The following GRIK2 variants were observed in gnomAD, a reference collection of about 807,000 sequenced individuals.
GRIK2 encodes the protein glutamate ionotropic receptor kainate type subunit 2.
GRIK2 carries 32 observed loss-of-function variants against 100.3 expected under a neutral mutation model. The observed-to-expected ratio is 0.32, with a 90% confidence interval of 0.24 to 0.43. GRIK2 has a LOEUF of 0.43. GRIK2 is among the 20% of genes least tolerant of loss of function. The probability of loss-of-function intolerance (pLI) is 1.00; values close to 1 mark genes in which losing one functional copy is unlikely to be tolerated. For missense variants in GRIK2, 843 were observed against 1,114.9 expected, an observed-to-expected ratio of 0.76 and a Z score of 3.47; for synonymous variants, 417 against 389.4, an observed-to-expected ratio of 1.07 and a Z score of -0.83.
intron 2 of GRIK2, among the ~76,000 whole-genome samples, chr6:101,564,325 G>A (rs901246078): frequency 6.6e-6 from 1 of 152,190 alleles, no homozygotes; most frequent in Non-Finnish European, 1.5e-5. Flanking sequence ...GAACACTTCT[G>A]TAAAAACTTG....
At chr6:101,417,404 A>G (rs1776203231) in intron 2 of GRIK2, among the ~76,000 whole-genome samples, 1 of 152,180 alleles carries the variant, frequency 6.6e-6, no homozygotes, top group South Asian at 2.1e-4. Context: ...AATGGAGCCT[A>G]TACAACCTCA....
intron 2 of GRIK2, among the ~76,000 whole-genome samples, chr6:101,498,417 G>A (rs1773566200): frequency 6.6e-6 from 1 of 151,904 alleles, no homozygotes; most frequent in Admixed American, 6.6e-5. Flanking sequence ...GGTATTTCTA[G>A]TTCTAGGTCC....
At chr6:101,676,027 AAC>A (rs771566640) in intron 4 of GRIK2, among the ~76,000 whole-genome samples, 1 of 152,208 alleles carries the variant, frequency 6.6e-6, no homozygotes, top group Non-Finnish European at 1.5e-5. Context: ...TGCGTGATAA[AAC>A]ACAGTGTTCA....
At chr6:101,892,521 GTT>G (rs530210727) in intron 12 of GRIK2, among the ~76,000 whole-genome samples, 1 of 148,558 alleles carries the variant, frequency 6.7e-6, no homozygotes, top group Non-Finnish European at 1.5e-5. Context: ...TAATGTACCA[GTT>G]TTTTTTTTAC....
Position 101,891,780 on chromosome 6 carries a change from G to A in GRIK2, c.1748+1917G>A, listed in dbSNP as rs1294221030. Among the ~76,000 whole-genome samples the A allele has an allele frequency of 2.0e-5, 3 of 152,086 alleles. No homozygotes were observed. In the East Asian group the frequency reaches 5.8e-4, roughly 29 times the overall value. ...CTTTTGGGGTTCTCCCCACAGTAAT[G>A]AGAATTTGAAGTATGAAGTTCCTAA... is the stretch of plus-strand genomic sequence containing the variant. On this transcript the variant is annotated intron_variant, in intron 12 of 16. Coordinates refer to ENST00000369134, the MANE Select transcript of GRIK2 (RefSeq NM_021956.5).
At chr6:101,697,491 AT>A (rs1298933265) in intron 7 of GRIK2, among the ~76,000 whole-genome samples, 1 of 86,896 alleles carries the variant, frequency 1.2e-5, no homozygotes. Flanking sequence ...TGCTATTACA[AT>A]AACATATCCC....
intron 11 of GRIK2, among the ~76,000 whole-genome samples, chr6:101,863,045 A>G (rs1040426115): frequency 3.3e-5 from 5 of 151,684 alleles, no homozygotes; most frequent in Admixed American, 6.6e-5. Context: ...TGCTGCATTC[A>G]TAATCTTCTG....
chr6:101,957,409 G>A (rs1375708688), intron 14 of GRIK2, among the ~76,000 whole-genome samples: 5 of 151,604 alleles, frequency 3.3e-5, no homozygotes, highest in Non-Finnish European at 7.4e-5. Flanking sequence ...CACACACATA[G>A]TTTTCAAACA....
intron 14 of GRIK2, among the ~76,000 whole-genome samples, chr6:102,007,481 A>T (rs1795302070): frequency 6.6e-6 from 1 of 152,124 alleles, no homozygotes; most frequent in Non-Finnish European, 1.5e-5. Context: ...TCTACCTTGC[A>T]TCATCAGCAA....
intron 1 of GRIK2, among the ~76,000 whole-genome samples, chr6:101,395,970 A>G (rs1309197503): frequency 3.9e-5 from 6 of 152,202 alleles, no homozygotes; most frequent in Non-Finnish European, 7.4e-5. Flanking sequence ...CTTACTAAGT[A>G]TATATAATTG....
chr6:101,893,576 C>T (rs1787243932), intron 12 of GRIK2, among the ~76,000 whole-genome samples: 1 of 151,650 alleles, frequency 6.6e-6, no homozygotes, highest in Non-Finnish European at 1.5e-5. Flanking sequence ...AATTAACCTG[C>T]TATATCTTCT....
At chr6:101,408,637 T>A (rs1775717393) in intron 2 of GRIK2, among the ~76,000 whole-genome samples, 2 of 151,980 alleles carry the variant, frequency 1.3e-5, no homozygotes, top group Non-Finnish European at 1.5e-5. Context: ...AGGAATTCCC[T>A]TTTTTTCTCA....
At chr6:101,963,746 G>A (rs919211320) in intron 14 of GRIK2, among the ~76,000 whole-genome samples, 1 of 151,744 alleles carries the variant, frequency 6.6e-6, no homozygotes. Flanking sequence ...ATGTATATAT[G>A]CTCCAAACCC....
intron 14 of GRIK2, among the ~76,000 whole-genome samples, chr6:101,960,129 C>G (rs983802432): frequency 2.8e-5 from 4 of 142,496 alleles, no homozygotes; most frequent in African/African-American, 8.1e-5. Flanking sequence ...TCTACTTGCT[C>G]TAATGGTAAG....
chr6:102,001,812 CTTT>C (rs1480449275), intron 14 of GRIK2, among the ~76,000 whole-genome samples: 2 of 151,682 alleles, frequency 1.3e-5, no homozygotes, highest in Non-Finnish European at 2.9e-5. Context: ...TTAAATTTCT[CTTT>C]TGATTTTTTC....
intron 7 of GRIK2, among the ~76,000 whole-genome samples, chr6:101,738,203 GTCAAATGTCAATTGTAATTGACAA>G (rs1775787784): frequency 2.0e-5 from 3 of 148,640 alleles, no homozygotes; most frequent in African/African-American, 7.3e-5. Context: ...ATTGACAATT[GTCAAATGTCAATTGTAATTGACAA>G]TTGTCAAATG....
chr6:101,713,072 G>A (rs1773827168), intron 7 of GRIK2, among the ~76,000 whole-genome samples: 1 of 151,734 alleles, frequency 6.6e-6, no homozygotes, highest in African/African-American at 2.4e-5. Flanking sequence ...TAAAGAATAA[G>A]AGAATAGCTG....
chr6:101,546,835 TTTTTTTTTTTTTG>T (rs1219297114), intron 2 of GRIK2, among the ~76,000 whole-genome samples: 31 of 96,602 alleles, frequency 3.2e-4, no homozygotes, highest in Middle Eastern at 4.3e-3. Context: ...TTTTTTTTTT[TTTTTTTTTTTTTG>T]GAGACGGAGT....
At chr6:101,482,025 C>T (rs1000286698) in intron 2 of GRIK2, among the ~76,000 whole-genome samples, 9 of 152,068 alleles carry the variant, frequency 5.9e-5, no homozygotes, top group African/African-American at 1.9e-4. Context: ...CTGAGGTGTC[C>T]CCAGCTATGT....
Sources: gnomAD v4.1 joint callset for allele counts (sites outside exome capture counted in the v4.1 genomes callset) on GRCh38, gnomAD v4.1.1 for gene constraint, MANE v1.5 for transcripts, NCBI Gene and HGNC (gene_info 2026-07-23, HGNC 2026-07-21) for gene names.